EBF1: variants seen among roughly 807,000 people sequenced by gnomAD.
EBF1 encodes EBF transcription factor 1.
A neutral mutation model predicts 68.4 loss-of-function variants in EBF1; 10 were observed. That is an observed-to-expected ratio of 0.15 (90% confidence interval 0.09 to 0.25). EBF1 has a LOEUF of 0.25. EBF1 is among the 10% of genes least tolerant of loss of function. The pLI, the probability that EBF1 is intolerant of heterozygous loss-of-function variation, is 1.00. For synonymous variants in EBF1, 298 were observed against 299.8 expected (o/e 0.99, Z 0.06); for missense variants, 509 against 794.4 (o/e 0.64, Z 4.32).
At chr5:158,767,852 G>A (rs1406004924) in intron 10 of EBF1, among the ~76,000 whole-genome samples, 1 of 152,026 alleles carries the variant, frequency 6.6e-6, no homozygotes, top group African/African-American at 2.4e-5. Context: ...ATCAGAGAGG[G>A]GCCTACATTT....
intron 6 of EBF1, among the ~76,000 whole-genome samples, chr5:159,031,991 T>C (rs554493948): frequency 6.6e-6 from 1 of 152,356 alleles, no homozygotes; most frequent in South Asian, 2.1e-4. Flanking sequence ...TTTCAAATGT[T>C]GAACTATGTA....
intron 6 of EBF1, among the ~76,000 whole-genome samples, chr5:158,944,768 G>T (rs1251962931): frequency 6.6e-6 from 1 of 152,156 alleles, no homozygotes; most frequent in African/African-American, 2.4e-5. Context: ...ATTCTAACTG[G>T]CGTGAGATGG....
intron 6 of EBF1, among the ~76,000 whole-genome samples, chr5:158,975,801 A>G (rs1756620639): frequency 6.6e-6 from 1 of 152,224 alleles, no homozygotes; most frequent in Non-Finnish European, 1.5e-5. Context: ...ATATTGTAGA[A>G]TTCACAAATC....
At chr5:158,915,825 C>T (rs1562291432) in intron 6 of EBF1, among the ~76,000 whole-genome samples, 3 of 152,122 alleles carry the variant, frequency 2.0e-5, no homozygotes, top group Admixed American at 6.5e-5. Flanking sequence ...TTTCTAGAAA[C>T]GGATGACAAA....
intron 10 of EBF1, among the ~76,000 whole-genome samples, chr5:158,776,979 C>T (rs1213167619): frequency 6.6e-6 from 1 of 152,152 alleles, no homozygotes; most frequent in East Asian, 1.9e-4. Flanking sequence ...AAAGAAGGCA[C>T]CAACCCAGAA....
chr5:158,993,143 C>G (rs527464856), intron 6 of EBF1, among the ~76,000 whole-genome samples: 7 of 149,590 alleles, frequency 4.7e-5, no homozygotes, highest in African/African-American at 1.7e-4. Flanking sequence ...GCCTCCTGGG[C>G]TCAAGCGATT....
Position 159,015,499 on chromosome 5 carries a change from C to T in EBF1, c.554+57897G>A, listed in dbSNP as rs189604784. ...AGCGTGGCTGAAGTGAAGCCAAATA[C>T]CTGGAGGACCTGAACCTCAGGCTGG... is the stretch of plus-strand genomic sequence containing the variant. On this transcript the variant is annotated intron_variant, in intron 6 of 15. Coordinates refer to ENST00000313708, the MANE Select transcript of EBF1 (RefSeq NM_024007.5). Among the ~76,000 whole-genome samples, 150 of 152,252 alleles carry T rather than the reference C, an allele frequency of 9.9e-4. 2 individuals are homozygous for T. Among genetic ancestry groups the T allele is most frequent in the African/African-American group, 3.5e-3 (144 of 41,532 alleles).
chr5:158,737,330 G>C (rs6895209), intron 10 of EBF1, among the ~76,000 whole-genome samples: 33,843 of 138,002 alleles, frequency 0.25, 5,544 homozygotes, highest in African/African-American at 0.47. Context: ...GTCGCCCAGG[G>C]TGGAGTGCAG....
intron 11 of EBF1, among the ~76,000 whole-genome samples, chr5:158,730,543 G>C (rs1763890017): frequency 6.6e-6 from 1 of 152,164 alleles, no homozygotes; most frequent in Non-Finnish European, 1.5e-5. Flanking sequence ...GAATGCCTTA[G>C]GAGAAGAGAG....
intron 10 of EBF1, among the ~76,000 whole-genome samples, chr5:158,749,177 G>A (rs1768219344): frequency 6.6e-6 from 1 of 152,162 alleles, no homozygotes; most frequent in African/African-American, 2.4e-5. Flanking sequence ...GCAAGAGTAT[G>A]TATCTCTGCT....
chr5:158,977,280 A>T (rs1217394653), intron 6 of EBF1, among the ~76,000 whole-genome samples: 1 of 152,220 alleles, frequency 6.6e-6, no homozygotes, highest in Non-Finnish European at 1.5e-5. Flanking sequence ...AAAATAATGT[A>T]ATCTAAAATA....
intron 11 of EBF1, among the ~76,000 whole-genome samples, chr5:158,717,249 G>T (rs1760925240): frequency 6.6e-6 from 1 of 152,052 alleles, no homozygotes; most frequent in African/African-American, 2.4e-5. Context: ...TAATTTTTTT[G>T]CAGTTTTATA....
At chr5:158,784,643 A>G (rs1297850557) in intron 9 of EBF1, among the ~76,000 whole-genome samples, 1 of 152,144 alleles carries the variant, frequency 6.6e-6, no homozygotes, top group Non-Finnish European at 1.5e-5. Context: ...ATTTCTCATT[A>G]CTAGGTTTAG....
At chr5:159,097,928 C>G (rs1782942081) in intron 1 of EBF1, among the ~76,000 whole-genome samples, 1 of 152,204 alleles carries the variant, frequency 6.6e-6, no homozygotes, top group Admixed American at 6.5e-5. Context: ...CAAGCGCGCA[C>G]AGGCACACAC....
At chr5:158,749,965 T>G (rs1488093484) in intron 10 of EBF1, among the ~76,000 whole-genome samples, 1 of 152,102 alleles carries the variant, frequency 6.6e-6, no homozygotes, top group African/African-American at 2.4e-5. Flanking sequence ...GAGAGCCTCT[T>G]TTGTAGTCAA....
At chr5:159,062,882 T>C (rs914601412) in intron 6 of EBF1, among the ~76,000 whole-genome samples, 7 of 152,260 alleles carry the variant, frequency 4.6e-5, no homozygotes, top group African/African-American at 1.7e-4. Flanking sequence ...ATTTACTTGA[T>C]CAATTAAACA....
At chr5:158,778,845 C>T (rs1775834301) in intron 9 of EBF1, among the ~76,000 whole-genome samples, 1 of 152,082 alleles carries the variant, frequency 6.6e-6, no homozygotes, top group Non-Finnish European at 1.5e-5. Flanking sequence ...ATAAAAAAGC[C>T]CTAAATGACT....
intron 6 of EBF1, among the ~76,000 whole-genome samples, chr5:158,841,125 A>C (rs989950597): frequency 6.6e-6 from 1 of 152,200 alleles, no homozygotes; most frequent in Non-Finnish European, 1.5e-5. Context: ...CAATTTGCCA[A>C]GAAAAATCCC....
At chr5:158,781,022 C>A (rs10071439) in intron 9 of EBF1, among the ~76,000 whole-genome samples, 5,409 of 152,212 alleles carry the variant, frequency 0.036, 344 homozygotes, top group African/African-American at 0.12. Flanking sequence ...GTAGCATCTG[C>A]CACTACTCTT....
Sources: allele counts gnomAD v4.1 joint callset (sites outside exome capture counted in the v4.1 genomes callset), GRCh38; gene constraint gnomAD v4.1.1; transcripts MANE v1.5; gene names NCBI Gene and HGNC (gene_info 2026-07-23, HGNC 2026-07-21).